ITPKB: variants seen among roughly 807,000 people sequenced by gnomAD.
ITPKB encodes the protein IP3 3-kinase B.
ITPKB carries 13 observed loss-of-function variants against 69.4 expected under a neutral mutation model. That is an observed-to-expected ratio of 0.19 (90% CI 0.12 to 0.30). The LOEUF (loss-of-function observed/expected upper bound fraction) is 0.30, where lower values mean the gene tolerates loss of function less well. ITPKB is among the 10% of genes least tolerant of loss of function. ITPKB has a pLI of 1.00. For synonymous variants in ITPKB, 584 were observed against 513.7 expected (o/e 1.14, Z -1.85); for missense variants, 1,240 against 1,250.5 (o/e 0.99, Z 0.13).
chr1:226,686,101 G>A (rs997691811), intron 2 of ITPKB, among the ~76,000 whole-genome samples: 4 of 151,926 alleles, frequency 2.6e-5, no homozygotes, highest in Admixed American at 2.0e-4. Context: ...GCCCTAAAAG[G>A]CTTACCAGGG....
intron 2 of ITPKB, among the ~76,000 whole-genome samples, chr1:226,732,482 C>G (rs1395740491): frequency 6.6e-6 from 1 of 152,036 alleles, no homozygotes; most frequent in Admixed American, 6.5e-5. Context: ...AAGTGATCCA[C>G]CCGCCTTGGC....
intron 2 of ITPKB, among the ~76,000 whole-genome samples, chr1:226,659,013 G>A (rs1669351012): frequency 6.6e-6 from 1 of 152,206 alleles, no homozygotes; most frequent in African/African-American, 2.4e-5. Context: ...GCGTAGACCT[G>A]GTCGGGCTGA....
chr1:226,717,771 ACT>A (rs1657131007), intron 2 of ITPKB, among the ~76,000 whole-genome samples: 1 of 152,112 alleles, frequency 6.6e-6, no homozygotes, highest in African/African-American at 2.4e-5. Context: ...AAGGGGCATG[ACT>A]CTATCCTGGA....
intron 2 of ITPKB, among the ~76,000 whole-genome samples, chr1:226,686,932 G>A (rs1373245684): frequency 6.6e-6 from 1 of 152,204 alleles, no homozygotes; most frequent in African/African-American, 2.4e-5. Flanking sequence ...TTGCCAAGAG[G>A]ATTTGACTGT....
rs1010275487 is a variant in ITPKB, at chr1:226,735,572, G to A, written c.1887C>T (p.Pro629=). 3.2e-6 allele frequency: 5 copies of A among 1,562,236 alleles called. No individual in the cohort carries two copies. The highest frequency in any genetic ancestry group is 3.9e-5 in the Admixed American group (2 of 51,418). ...ISSDPERTLD[P]NSAFLHTLDQ... The stretch of plus-strand genomic sequence containing the variant: ...CCAGGGTATGCAGGAAGGCTGAGTT[G>A]GGGTCCAGGGTGCGCTCAGGGTCAC... The change falls in exon 2 of 8, where the codon CCC becomes CCT. Residue 629 remains proline, a synonymous_variant. Transcript: ENST00000429204.
At chr1:226,644,681 C>T (rs1267162199) in intron 4 of ITPKB, among the ~76,000 whole-genome samples, 3 of 152,244 alleles carry the variant, frequency 2.0e-5, no homozygotes, top group Non-Finnish European at 1.5e-5. Flanking sequence ...CTTCTGCCCC[C>T]GCCATGCCCA....
rs976254609 is a variant in ITPKB, at chr1:226,735,565, C to G, written c.1894G>C (p.Ala632Pro). ...TGCTGGTCCAGGGTATGCAGGAAGGCTGAGTTGGGGTCCAGGGTGCGCTCA... is the reference window on the plus strand; with the variant it reads ...TGCTGGTCCAGGGTATGCAGGAAGGGTGAGTTGGGGTCCAGGGTGCGCTCA... ...DPERTLDPNS[A>P]FLHTLDQQKP... The change falls in exon 2 of 8, where the codon GCC (alanine) becomes CCC (proline). Residue 632 changes from alanine (A) to proline (P), a missense_variant. Physicochemically the swap from Ala to Pro is conservative, Grantham distance 27. This residue lies in a region of ITPKB where 992 missense variants were observed against 853.8 expected (regional missense o/e 1.16). Coordinates refer to ENST00000429204, the MANE Select transcript of ITPKB (RefSeq NM_002221.4). 5 of 1,554,822 alleles carry G rather than the reference C, an allele frequency of 3.2e-6. No homozygotes were observed. The highest frequency in any genetic ancestry group is 4.3e-6 in the Non-Finnish European group (5 of 1,150,490).
Position 226,738,967 on chromosome 1 carries a change from T to G in ITPKB, c.-206+74A>C, listed in dbSNP as rs1320645570. ...GTTTCGGAACCAGGAACGCCGAGAT[T>G]CGCTCCAGAGCAGAAAGTGAGGGAA... is the stretch of plus-strand genomic sequence containing the variant. On this transcript the variant is annotated intron_variant, in intron 1 of 7. Coordinates refer to ENST00000429204, the MANE Select transcript of ITPKB (RefSeq NM_002221.4). The surrounding 1 kb of genome is among the most constrained non-coding windows in gnomAD (Gnocchi z 4.2). 6.6e-6 allele frequency: 1 copy of G among 152,252 alleles called. No individual in the cohort carries two copies. The highest frequency in any genetic ancestry group is 1.9e-4 in the East Asian group (1 of 5,180). 9.4% of individuals were successfully genotyped at this position (152,252 alleles called of 1,614,324 possible).
chr1:226,723,005 A>G (rs76407831), intron 2 of ITPKB, among the ~76,000 whole-genome samples: 3,251 of 151,864 alleles, frequency 0.021, 119 homozygotes, highest in African/African-American at 0.072. Flanking sequence ...TGTGTGTAGC[A>G]GAGTAGAGAC....
intron 2 of ITPKB, among the ~76,000 whole-genome samples, chr1:226,658,706 C>T (rs1007263923): frequency 6.6e-6 from 1 of 152,324 alleles, no homozygotes; most frequent in South Asian, 2.1e-4. Context: ...TCCTCCACAG[C>T]GCTGCTCACC....
intron 2 of ITPKB, among the ~76,000 whole-genome samples, chr1:226,684,810 A>G (rs1656163634): frequency 6.6e-6 from 1 of 152,136 alleles, no homozygotes; most frequent in South Asian, 2.1e-4. Flanking sequence ...GGCCCCAAAG[A>G]CGTCCCTAGA....
chr1:226,710,641 C>T (rs1329736478), intron 2 of ITPKB, among the ~76,000 whole-genome samples: 3 of 152,212 alleles, frequency 2.0e-5, no homozygotes, highest in Non-Finnish European at 2.9e-5. Context: ...AGACCCAAAG[C>T]GATTACACAC....
At chr1:226,672,108 G>A (rs1238220881) in intron 2 of ITPKB, among the ~76,000 whole-genome samples, 7 of 152,144 alleles carry the variant, frequency 4.6e-5, no homozygotes, top group Admixed American at 4.6e-4. Flanking sequence ...AAGTGAGAGA[G>A]GAAGATGGAT....
intron 2 of ITPKB, chr1:226,707,754 T>C (rs929625045): frequency 1.7e-5 from 18 of 1,049,552 alleles, no homozygotes; most frequent in Non-Finnish European, 2.0e-5. Context: ...CAAAATCCAA[T>C]GGTCGTAGGG....
intron 2 of ITPKB, among the ~76,000 whole-genome samples, chr1:226,730,662 T>C (rs1256009594): frequency 6.6e-6 from 1 of 152,204 alleles, no homozygotes; most frequent in Admixed American, 6.5e-5. Flanking sequence ...TAGTTTTTTT[T>C]CCACCAAGAT....
rs1466599984 is a variant in ITPKB, at chr1:226,635,091, G to A, written c.2626-205C>T. Among the ~76,000 whole-genome samples, 5 of 152,262 alleles carry A rather than the reference G, an allele frequency of 3.3e-5. No individual in the cohort carries two copies. The East Asian group carries it at 7.7e-4, about 24-fold the overall frequency. On this transcript the variant is annotated intron_variant, in intron 7 of 7. Transcript: ENST00000429204. ...GCAGAGGGCATCGGGTTCCAGGGTC[G>A]GCGACCACCCTTCTGTGTGGGCAGC...
chr1:226,737,177 G>A lies in ITPKB; in HGVS notation c.282C>T (p.Gly94=), dbSNP rs1408573713. ...CCCAACTTGGGCTGCTCACGCTACT[G>A]CCGCTGCTGCCGCTGCCACTGCCGC... is the stretch of plus-strand genomic sequence containing the variant. The part of the protein sequence containing the change: ...SSSGSGSGSS[G]SSVSSPSWAG... The change falls in exon 2 of 8, where the codon GGC becomes GGT. Residue 94 remains glycine (G), a synonymous_variant. Transcript: ENST00000429204. 1 of 821,818 alleles carries A rather than the reference G, an allele frequency of 1.2e-6. No homozygotes were observed. Among genetic ancestry groups the A allele is most frequent in the African/African-American group, 2.4e-5 (1 of 41,830 alleles). The allele number at this position is 821,818 out of a possible 1,614,324, so 50.9% of individuals were successfully genotyped here.
At chr1:226,699,426 T>G (rs1571863897) in intron 2 of ITPKB, among the ~76,000 whole-genome samples, 1 of 152,220 alleles carries the variant, frequency 6.6e-6, no homozygotes, top group Non-Finnish European at 1.5e-5. Flanking sequence ...GCCAGGCAGG[T>G]CTGGGCTCTG....
intron 2 of ITPKB, among the ~76,000 whole-genome samples, chr1:226,667,460 C>A (rs1234510078): frequency 1.3e-5 from 2 of 152,190 alleles, no homozygotes; most frequent in East Asian, 3.8e-4. Context: ...GTAAGGGTTG[C>A]CTCACACCCA....
Sources: gnomAD v4.1 joint callset for allele counts (sites outside exome capture counted in the v4.1 genomes callset) on GRCh38, gnomAD v4.1.1 for gene constraint, gnomAD v4.1.1 regional missense constraint, Gnocchi (gnomAD v3.1) non-coding constraint, MANE v1.5 for transcripts, NCBI Gene and HGNC (gene_info 2026-07-23, HGNC 2026-07-21) for gene names.